NUDCD1: variants seen among roughly 807,000 people sequenced by gnomAD.
NUDCD1 encodes the protein NudC domain containing 1, also known as nudC domain-containing protein 1.
A neutral mutation model predicts 67.8 loss-of-function variants in NUDCD1; 60 were observed. The observed-to-expected ratio is 0.88, with a 90% CI of 0.72 to 1.10. The LOEUF is 1.10. NUDCD1 is among the 50% of genes least tolerant of loss of function. NUDCD1 has a pLI of 0.00. For missense variants in NUDCD1, 643 were observed against 695.0 expected (o/e 0.93, Z 0.84); for synonymous variants, 244 against 230.8 (o/e 1.06, Z -0.52).
rs571556651 is a variant in NUDCD1 at position 109,320,909 on chromosome 8, C to A, written c.273+1400G>T. 1.6e-4 allele frequency among the ~76,000 whole-genome samples: 25 copies of A among 152,242 alleles called. No individual in the cohort carries two copies. In the South Asian group the frequency reaches 5.2e-3, roughly 32 times the overall value. On this transcript the variant is annotated intron_variant, in intron 2 of 9. Transcript: ENST00000239690. ...GCAAAAAACAACAACAAATAACCTA[C>A]CACATCTGGAAAGACACACAAAACC...
intron 2 of NUDCD1, among the ~76,000 whole-genome samples, chr8:109,318,292 T>C (rs972987532): frequency 6.6e-6 from 1 of 152,234 alleles, no homozygotes; most frequent in Non-Finnish European, 1.5e-5. Flanking sequence ...CATAATGTCA[T>C]CTGACTTCGA....
chr8:109,306,211 C>G (rs572697436), intron 2 of NUDCD1, among the ~76,000 whole-genome samples: 1 of 152,174 alleles, frequency 6.6e-6, no homozygotes, highest in Non-Finnish European at 1.5e-5. Flanking sequence ...CCCAATCCAC[C>G]ACTCTTGACT....
chr8:109,322,676 A>G (rs986203336), intron 1 of NUDCD1, among the ~76,000 whole-genome samples: 3 of 152,170 alleles, frequency 2.0e-5, no homozygotes, highest in African/African-American at 7.2e-5. Flanking sequence ...CCACGTCCTT[A>G]CAAGACTTAG....
At chr8:109,283,418 A>G (rs1354372068) in intron 5 of NUDCD1, among the ~76,000 whole-genome samples, 1 of 152,208 alleles carries the variant, frequency 6.6e-6, no homozygotes, top group Admixed American at 6.5e-5. Flanking sequence ...AGAGGTAGAC[A>G]TTCAGGTATA....
intron 3 of NUDCD1, among the ~76,000 whole-genome samples, chr8:109,295,313 C>T (rs1023503079): frequency 2.0e-5 from 3 of 152,100 alleles, no homozygotes; most frequent in Admixed American, 6.6e-5. Context: ...CTCAAAATAC[C>T]TTCCAACTGT....
intron 8 of NUDCD1, among the ~76,000 whole-genome samples, chr8:109,248,413 T>C (rs993046576): frequency 2.6e-5 from 4 of 152,196 alleles, no homozygotes; most frequent in African/African-American, 9.6e-5. Flanking sequence ...AGTCTGCCCT[T>C]TTTTCTCCAA....
chr8:109,279,051 T>C (rs941136971), intron 6 of NUDCD1, among the ~76,000 whole-genome samples: 8 of 152,242 alleles, frequency 5.3e-5, no homozygotes, highest in Middle Eastern at 3.4e-3. Context: ...ACTGTGCCAC[T>C]GCACTCCATC....
intron 8 of NUDCD1, among the ~76,000 whole-genome samples, chr8:109,255,784 G>T (rs1242073188): frequency 2.0e-5 from 3 of 151,976 alleles, no homozygotes; most frequent in Non-Finnish European, 2.9e-5. Context: ...AGAATAAGAG[G>T]AATAAAGTAA....
rs764002734 is a variant in NUDCD1, at chr8:109,322,440, C to T, written c.142G>A (p.Asp48Asn). 1.9e-6 allele frequency: 3 copies of T among 1,591,972 alleles called. No homozygotes were observed. The highest frequency in any genetic ancestry group is 1.7e-6 in the Non-Finnish European group (2 of 1,165,256). ...DAAVAEVKLR[D>N]DQYTLEHMHA... ...ATGTGTTCCAGTGTATATTGATCAT[C>T]TCGAAGTTTTACCTCTGCCACAGCT... The change falls in exon 2 of 10, where the codon GAT becomes AAT. Residue 48 changes from aspartate (D) to asparagine (N), a missense_variant. By Grantham distance (23) the Asp-to-Asn change is conservative. Transcript: ENST00000239690.
At chr8:109,286,768 A>G (rs1190745949) in intron 5 of NUDCD1, among the ~76,000 whole-genome samples, 14 of 152,200 alleles carry the variant, frequency 9.2e-5, no homozygotes, top group Non-Finnish European at 1.8e-4. Context: ...CAACAAAAAA[A>G]TTGACAAATG....
intron 6 of NUDCD1, 69 bp from the exon 7 acceptor site, chr8:109,275,565 C>T (rs955171443): frequency 2.9e-6 from 4 of 1,391,778 alleles, no homozygotes; most frequent in Non-Finnish European, 4.0e-6. Context: ...CAGTAGCAAA[C>T]ATTGTTTGTT....
In NUDCD1 at chr8:109,314,449, A is replaced by T. The variant is rs61391493; in HGVS notation, c.273+7860T>A. On this transcript the variant is annotated intron_variant, in intron 2 of 9. Coordinates refer to ENST00000239690, the MANE Select transcript of NUDCD1 (RefSeq NM_032869.4). The stretch of plus-strand genomic sequence containing the variant: ...TAGAAGAGAGGTTCAAAAAGATTAA[A>T]TAATTTGCCTGGAGCTCCACTGCTA... Among the ~76,000 whole-genome samples the T allele has an allele frequency of 1.5e-3, 223 of 152,346 alleles. 1 individual carries two copies. The highest frequency in any genetic ancestry group is 4.5e-3 in the African/African-American group (189 of 41,586).
chr8:109,322,058 T>C (rs182682124), intron 2 of NUDCD1, among the ~76,000 whole-genome samples: 32 of 152,228 alleles, frequency 2.1e-4, no homozygotes, highest in Non-Finnish European at 3.1e-4. Flanking sequence ...TACATCAGTA[T>C]TAATAATATA....
At chr8:109,317,054 G>T (rs974100735) in intron 2 of NUDCD1, among the ~76,000 whole-genome samples, 3 of 152,158 alleles carry the variant, frequency 2.0e-5, no homozygotes, top group Admixed American at 6.5e-5. Flanking sequence ...ATAATCTTAA[G>T]AGCATAACGC....
chr8:109,265,718 A>G (rs988466105), intron 8 of NUDCD1, among the ~76,000 whole-genome samples: 2 of 152,220 alleles, frequency 1.3e-5, no homozygotes, highest in African/African-American at 4.8e-5. Context: ...TGGGGGTTCC[A>G]GGATGAAACC....
chr8:109,291,139 G>A (rs923573138), intron 4 of NUDCD1, among the ~76,000 whole-genome samples: 1 of 152,126 alleles, frequency 6.6e-6, no homozygotes, highest in Non-Finnish European at 1.5e-5. Flanking sequence ...AGAAATGCTA[G>A]GTTAAAATTA....
chr8:109,252,547 C>T (rs1813645317), intron 8 of NUDCD1, among the ~76,000 whole-genome samples: 1 of 152,184 alleles, frequency 6.6e-6, no homozygotes, highest in Admixed American at 6.5e-5. Context: ...TTCTAATGTC[C>T]TGCCCTCGCC....
In NUDCD1 at chr8:109,241,093, C is replaced by A. The variant is rs1480231645; in HGVS notation, c.*1916G>T. On this transcript the variant is annotated 3_prime_UTR_variant, in exon 10 of 10. Transcript: ENST00000239690. ...AACATTGTTTAAATGTTTATGGAATCCCTGAAGCATTTCAGGAAAATAGCT... is the reference window on the plus strand; with the variant it reads ...AACATTGTTTAAATGTTTATGGAATACCTGAAGCATTTCAGGAAAATAGCT... The A allele has an allele frequency of 6.6e-6, 1 of 152,010 alleles. No homozygotes were observed. The highest frequency in any genetic ancestry group is 1.5e-5 in the Non-Finnish European group (1 of 67,976). The allele number at this position is 152,010 out of a possible 1,614,324, so 9.4% of individuals were successfully genotyped here.
rs757361524 is a variant in NUDCD1 at position 109,322,368 on chromosome 8, G to C, written c.214C>G (p.Gln72Glu). Residue 72 changes from glutamine (Q) to glutamate (E), a missense_variant, in exon 2 of 10, where the codon CAA becomes GAA. Transcript: ENST00000239690. ...GTATCAATATAGTAGACACTGTCTT[G>C]ATACCATGAATCACAGTGCAGGTAA... ...YNYLHCDSWY[Q>E]DSVYYIDTLG... is the part of the protein sequence containing the mutation. 1 of 1,589,492 alleles carries C rather than the reference G, an allele frequency of 6.3e-7. No homozygotes were observed. The highest frequency in any genetic ancestry group is 1.1e-5 in the South Asian group (1 of 90,154).
Sources: allele counts gnomAD v4.1 joint callset (sites outside exome capture counted in the v4.1 genomes callset), GRCh38; gene constraint gnomAD v4.1.1; transcripts MANE v1.5; gene names NCBI Gene and HGNC (gene_info 2026-07-23, HGNC 2026-07-21).